Variants in LAMA2 observed in about 807,000 individuals in gnomAD.
LAMA2 encodes laminin subunit alpha 2.
A neutral mutation model predicts 364.8 loss-of-function variants in LAMA2; 269 were observed. The observed-to-expected ratio is 0.74, with a 90% CI of 0.67 to 0.82. The LOEUF (loss-of-function observed/expected upper bound fraction) is 0.82, where lower values mean the gene tolerates loss of function less well. Among genes scored for constraint, LAMA2 ranks in the 40% least tolerant of loss-of-function variants. The pLI is 0.00. For synonymous variants in LAMA2, 1,379 were observed against 1,370.6 expected, an observed-to-expected ratio of 1.01 and a Z score of -0.14; for missense variants, 3,807 against 3,873.2, an observed-to-expected ratio of 0.98 and a Z score of 0.45.
At chr6:129,508,299 G>A (rs2571570) in intron 62 of LAMA2, among the ~76,000 whole-genome samples, 94,713 of 151,964 alleles carry the variant, frequency 0.62, 30,423 homozygotes, top group Non-Finnish European at 0.7. Context: ...TTTTGATGTA[G>A]GCATGCAATG....
At chr6:129,081,326 G>A (rs1417187072) in intron 3 of LAMA2, among the ~76,000 whole-genome samples, 1 of 151,918 alleles carries the variant, frequency 6.6e-6, no homozygotes, top group Non-Finnish European at 1.5e-5. Flanking sequence ...ACACCAACAT[G>A]GCACATGTAT....
chr6:129,242,473 A>G (rs1379176757), intron 12 of LAMA2, among the ~76,000 whole-genome samples: 1 of 152,146 alleles, frequency 6.6e-6, no homozygotes, highest in Non-Finnish European at 1.5e-5. Context: ...GTTGTATATT[A>G]TGAGCGTGTG....
intron 1 of LAMA2, among the ~76,000 whole-genome samples, chr6:128,892,497 T>C (rs1369330457): frequency 1.3e-5 from 2 of 152,060 alleles, no homozygotes; most frequent in African/African-American, 4.8e-5. Context: ...ACTTATAATA[T>C]GTTTAGATAA....
At chr6:128,901,206 G>A (rs1402480795) in intron 1 of LAMA2, among the ~76,000 whole-genome samples, 1 of 152,080 alleles carries the variant, frequency 6.6e-6, no homozygotes, top group Non-Finnish European at 1.5e-5. Flanking sequence ...ACAAAAACAT[G>A]TTATAGACTA....
chr6:129,016,853 T>C (rs1785109895), intron 1 of LAMA2, among the ~76,000 whole-genome samples: 1 of 151,626 alleles, frequency 6.6e-6, no homozygotes, highest in Middle Eastern at 3.2e-3. Context: ...CATTTGTTCA[T>C]TTTTCTATAC....
chr6:129,263,637 A>G (rs1205011071), intron 15 of LAMA2, among the ~76,000 whole-genome samples: 1 of 147,076 alleles, frequency 6.8e-6, no homozygotes, highest in African/African-American at 2.6e-5. Context: ...ATTTGCACAT[A>G]TGATAAGAAA....
intron 11 of LAMA2, among the ~76,000 whole-genome samples, chr6:129,191,655 G>C (rs576763176): frequency 3.9e-4 from 55 of 142,478 alleles, no homozygotes; most frequent in African/African-American, 1.6e-3. Flanking sequence ...AAAGTCAACA[G>C]GTTGTACCTG....
chr6:129,504,805 T>C (rs1283032051), intron 60 of LAMA2, among the ~76,000 whole-genome samples: 1 of 152,236 alleles, frequency 6.6e-6, no homozygotes, highest in African/African-American at 2.4e-5. Context: ...GCCCAGGCTC[T>C]TTGCTCAATC....
Position 129,394,400 on chromosome 6 carries a change from G to A in LAMA2, c.5445+1145G>A, listed in dbSNP as rs1024715642. ...ATCTATTCATTTCTATTTTCCTTTA[G>A]ATTAAGTAGTAAGAGGAAGAATTAC... is the stretch of plus-strand genomic sequence containing the variant. On this transcript the variant is annotated intron_variant, in intron 37 of 64. Transcript: ENST00000421865. Among the ~76,000 whole-genome samples, 3 of 152,184 alleles carry A rather than the reference G, an allele frequency of 2.0e-5. No individual in the cohort carries two copies. The East Asian group carries it at 5.8e-4, about 29-fold the overall frequency.
At chr6:128,986,757 A>G (rs1422138177) in intron 1 of LAMA2, among the ~76,000 whole-genome samples, 2 of 152,090 alleles carry the variant, frequency 1.3e-5, no homozygotes, top group East Asian at 3.8e-4. Flanking sequence ...TGAAAAAATT[A>G]TTTTATGGTT....
intron 31 of LAMA2, 111 bp from the exon 32 acceptor site, chr6:129,353,053 G>A (rs1776942570): frequency 1.4e-6 from 1 of 736,122 alleles, no homozygotes; most frequent in Non-Finnish European, 2.3e-6. Context: ...GTTAACTAAT[G>A]TATGGACTCT....
chr6:129,177,457 G>C (rs1780661335), intron 9 of LAMA2, among the ~76,000 whole-genome samples: 1 of 152,104 alleles, frequency 6.6e-6, no homozygotes, highest in South Asian at 2.1e-4. Flanking sequence ...TAGATGCTTT[G>C]AGATTTCATC....
At chr6:129,046,722 C>G (rs1331330953) in intron 1 of LAMA2, among the ~76,000 whole-genome samples, 2 of 152,158 alleles carry the variant, frequency 1.3e-5, no homozygotes, top group African/African-American at 4.8e-5. Context: ...GAAACAATTA[C>G]AGATTCAAGT....
At chr6:129,449,454 T>A (rs894082970) in intron 45 of LAMA2, among the ~76,000 whole-genome samples, 1 of 152,076 alleles carries the variant, frequency 6.6e-6, no homozygotes, top group Non-Finnish European at 1.5e-5. Flanking sequence ...TAAGCCTTTT[T>A]AATAGTGGCA....
intron 29 of LAMA2, among the ~76,000 whole-genome samples, chr6:129,333,659 C>G (rs1775784132): frequency 6.6e-6 from 1 of 152,122 alleles, no homozygotes; most frequent in Admixed American, 6.5e-5. Flanking sequence ...TCATCAACTG[C>G]TTGCCTGACA....
chr6:128,911,939 C>T (rs964110331), intron 1 of LAMA2, among the ~76,000 whole-genome samples: 1 of 152,174 alleles, frequency 6.6e-6, no homozygotes, highest in Non-Finnish European at 1.5e-5. Context: ...AGTCTACTGT[C>T]TGTAAAAATC....
chr6:129,391,737 A>C lies in LAMA2; in HGVS notation c.5234+84A>C. 14 of 1,201,472 alleles carry C rather than the reference A, an allele frequency of 1.2e-5. No homozygotes were observed. In the South Asian group the frequency reaches 1.4e-4, roughly 12 times the overall value. The allele number at this position is 1,201,472 out of a possible 1,614,324, so 74.4% of individuals were successfully genotyped here. A position where few individuals can be genotyped will look rare whatever the true frequency, so the allele number is the denominator to read the frequency against. On this transcript the variant is annotated intron_variant, in intron 36 of 64. Coordinates refer to ENST00000421865, the MANE Select transcript of LAMA2 (RefSeq NM_000426.4). Reference sequence around the variant, plus strand: ...AGTTTTCTAAATTTTTATCACACGTATAAGTAAAAGATGCTTTGTTTTTCC... The same window carrying C: ...AGTTTTCTAAATTTTTATCACACGTCTAAGTAAAAGATGCTTTGTTTTTCC...
intron 1 of LAMA2, among the ~76,000 whole-genome samples, chr6:129,032,901 G>T (rs548129722): frequency 2.0e-4 from 31 of 152,314 alleles, no homozygotes; most frequent in African/African-American, 7.0e-4. Flanking sequence ...GAGCTTGAGA[G>T]AATTCAGGAG....
chr6:129,217,010 G>A (rs1262761703), intron 12 of LAMA2, among the ~76,000 whole-genome samples: 8 of 151,984 alleles, frequency 5.3e-5, no homozygotes, highest in African/African-American at 1.7e-4. Context: ...CCAACATGAC[G>A]AAACCCTGTC....
Sources: gnomAD v4.1 joint callset for allele counts (sites outside exome capture counted in the v4.1 genomes callset) on GRCh38, gnomAD v4.1.1 for gene constraint, MANE v1.5 for transcripts, NCBI Gene and HGNC (gene_info 2026-07-23, HGNC 2026-07-21) for gene names.